Variants in ADGRA2 observed in about 807,000 individuals in gnomAD.
ADGRA2 encodes G-protein coupled receptor 124.
Under a neutral mutation model 98.7 loss-of-function variants are expected in ADGRA2, and 61 were observed. The observed-to-expected ratio is 0.62, with a 90% CI of 0.50 to 0.76. The LOEUF (loss-of-function observed/expected upper bound fraction) is 0.76. Ranked by LOEUF, ADGRA2 falls within the 30% of genes least tolerant of loss-of-function variation. The probability of loss-of-function intolerance (pLI) is 0.00; values close to 1 mark genes in which losing one functional copy is unlikely to be tolerated. For missense variants in ADGRA2, 1,712 were observed against 1,860.0 expected, an observed-to-expected ratio of 0.92 and a Z score of 1.46; for synonymous variants, 858 against 831.5, an observed-to-expected ratio of 1.03 and a Z score of -0.55.
Position 37,818,647 on chromosome 8 carries a change from G to A in ADGRA2, c.338+3680G>A, listed in dbSNP as rs554437973. Reference sequence around the variant, plus strand: ...GTAGGTGCTCACTGAGCCCTTCTATGTGCCAGGCTCTGTTCTAGGCTTTGG... The same window carrying A: ...GTAGGTGCTCACTGAGCCCTTCTATATGCCAGGCTCTGTTCTAGGCTTTGG... On this transcript the variant is annotated intron_variant, in intron 2 of 18. Transcript: ENST00000412232. 4.6e-5 allele frequency among the ~76,000 whole-genome samples: 7 copies of A among 152,356 alleles called. No homozygotes were observed. The East Asian group carries it at 1.3e-3, about 29-fold the overall frequency.
chr8:37,810,174 A>T (rs112921977), intron 1 of ADGRA2, among the ~76,000 whole-genome samples: 80 of 151,834 alleles, frequency 5.3e-4, no homozygotes, highest in African/African-American at 1.3e-3. Flanking sequence ...TATATATATA[A>T]AAATATATAT....
chr8:37,830,061 C>T lies in ADGRA2; in HGVS notation c.718+47C>T. On this transcript the variant is annotated intron_variant, in intron 6 of 18. Transcript: ENST00000412232. The surrounding 1 kb of genome is among the most constrained non-coding windows in gnomAD (Gnocchi z 4.8). ...CACATCTCCCAGGGACCCTGCCTCT[C>T]CACCAACCCAGGGCCCAGACACGAG... The T allele has an allele frequency of 7.6e-7, 1 of 1,323,948 alleles. No individual in the cohort carries two copies. Among genetic ancestry groups the T allele is most frequent in the Non-Finnish European group, 1.0e-6 (1 of 984,920 alleles). The allele number at this position is 1,323,948 out of a possible 1,614,324, so 82.0% of individuals were successfully genotyped here. A position where few individuals can be genotyped will look rare whatever the true frequency, so the allele number is the denominator to read the frequency against.
chr8:37,821,253 AAAT>A (rs1805116746), intron 2 of ADGRA2, among the ~76,000 whole-genome samples: 1 of 152,178 alleles, frequency 6.6e-6, no homozygotes, highest in South Asian at 2.1e-4. Flanking sequence ...CTCACCTGGA[AAAT>A]AGGGCTATGA....
intron 2 of ADGRA2, among the ~76,000 whole-genome samples, chr8:37,828,411 C>G (rs1364923357): frequency 6.6e-6 from 1 of 151,814 alleles, no homozygotes; most frequent in African/African-American, 2.4e-5. Context: ...TTCGTCTCCT[C>G]TCTCTGTTCT....
Position 37,835,697 on chromosome 8 carries a change from C to T in ADGRA2, c.1977C>T (p.Asn659=), listed in dbSNP as rs758120131. The part of the protein sequence containing the change: ...RNGRLFHSHS[N]TSRPGAAGPG... ...GCCGCCTCTTCCACAGCCACAGCAACACCTCCCGCCCTGGAGCTGCTGGGC... is the reference window on the plus strand; with the variant it reads ...GCCGCCTCTTCCACAGCCACAGCAATACCTCCCGCCCTGGAGCTGCTGGGC... Residue 659 remains asparagine, a synonymous_variant, in exon 13 of 19, where the codon AAC becomes AAT. Transcript: ENST00000412232. 1 of 1,613,924 alleles carries T rather than the reference C, an allele frequency of 6.2e-7. No homozygotes were observed.
In ADGRA2 at chr8:37,842,710, A is replaced by G. The variant is rs1285105914; in HGVS notation, c.*355A>G. On this transcript the variant is annotated 3_prime_UTR_variant, in exon 19 of 19. Transcript: ENST00000412232. ...TGTCCATGCGGCCTCACTGGGGGCC[A>G]TCAGCCTCACCAGCAAAGCAGAGAT... The G allele has an allele frequency of 9.0e-6, 2 of 222,942 alleles. No homozygotes were observed. The highest frequency in any genetic ancestry group is 1.7e-5 in the Non-Finnish European group (2 of 114,868). The allele number at this position is 222,942 out of a possible 1,614,324, so 13.8% of individuals were successfully genotyped here.
At chr8:37,808,005 A>G (rs1585968740) in intron 1 of ADGRA2, among the ~76,000 whole-genome samples, 1 of 152,156 alleles carries the variant, frequency 6.6e-6, no homozygotes. Context: ...CCCAGAGCCC[A>G]CAGAGCCTCT....
intron 1 of ADGRA2, among the ~76,000 whole-genome samples, chr8:37,804,114 C>G (rs1000707159): frequency 6.2e-4 from 90 of 145,772 alleles, no homozygotes; most frequent in African/African-American, 2.1e-3. Flanking sequence ...CACACACACA[C>G]ACACACACAC....
At chr8:37,825,173 G>A (rs540962353) in intron 2 of ADGRA2, among the ~76,000 whole-genome samples, 3 of 152,224 alleles carry the variant, frequency 2.0e-5, no homozygotes, top group Admixed American at 6.5e-5. Flanking sequence ...GCATATCTGC[G>A]CGTGCTTCCA....
intron 1 of ADGRA2, among the ~76,000 whole-genome samples, chr8:37,800,706 G>A (rs900749689): frequency 2.0e-5 from 3 of 152,110 alleles, no homozygotes; most frequent in Non-Finnish European, 4.4e-5. Context: ...TGGGAAGGAG[G>A]GAGCTGCCGC....
intron 2 of ADGRA2, among the ~76,000 whole-genome samples, chr8:37,823,612 G>C (rs1185671456): frequency 6.6e-6 from 1 of 152,158 alleles, no homozygotes; most frequent in African/African-American, 2.4e-5. Context: ...TGGAATTTCT[G>C]GGTCATATGG....
At chr8:37,839,254 C>T in intron 15 of ADGRA2, 171 bp downstream of exon 15, 4 of 560,868 alleles carry the variant, frequency 7.1e-6, no homozygotes, top group Non-Finnish European at 9.0e-6. Context: ...AGGGTGGACT[C>T]ACTGAGGACT....
intron 2 of ADGRA2, among the ~76,000 whole-genome samples, chr8:37,820,720 G>T (rs994623069): frequency 5.9e-5 from 9 of 152,254 alleles, no homozygotes; most frequent in African/African-American, 2.2e-4. Context: ...TGGCCTCCTT[G>T]GCTGAGAGCC....
chr8:37,835,146 G>A, intron 11 of ADGRA2, 28 bp from the exon 12 acceptor site: 4 of 1,557,750 alleles, frequency 2.6e-6, no homozygotes, highest in East Asian at 2.2e-5. Context: ...CATCTCAAAT[G>A]GTGGGATGAC....
intron 8 of ADGRA2, among the ~76,000 whole-genome samples, 199 bp downstream of exon 8, chr8:37,831,786 C>T (rs1205054868): frequency 1.3e-5 from 2 of 152,198 alleles, no homozygotes; most frequent in Non-Finnish European, 1.5e-5. Flanking sequence ...CATCTGAGGC[C>T]GGGTGCAGTG....
At chr8:37,811,625 C>T (rs565860783) in intron 1 of ADGRA2, among the ~76,000 whole-genome samples, 60 of 149,202 alleles carry the variant, frequency 4.0e-4, no homozygotes, top group Non-Finnish European at 7.1e-4. Flanking sequence ...TACAGGCATG[C>T]ACCACCACGC....
chr8:37,819,335 T>C (rs1448025545), intron 2 of ADGRA2, among the ~76,000 whole-genome samples: 1 of 152,150 alleles, frequency 6.6e-6, no homozygotes, highest in African/African-American at 2.4e-5. Context: ...TCCAACGTGG[T>C]CACTGATCAC....
Position 37,801,404 on chromosome 8 carries a change from G to C in ADGRA2, c.266+3870G>C, listed in dbSNP as rs1009967979. ...CTCCCCCAGGGAAAAGGTCCCACGGGGGGTGGCTTATGACAGGGAGAACCT... is the reference window on the plus strand; with the variant it reads ...CTCCCCCAGGGAAAAGGTCCCACGGCGGGTGGCTTATGACAGGGAGAACCT... On this transcript the variant is annotated intron_variant, in intron 1 of 18. Transcript: ENST00000412232. 4.6e-5 allele frequency among the ~76,000 whole-genome samples: 7 copies of C among 152,298 alleles called. No homozygotes were observed. The East Asian group carries it at 7.7e-4, about 17-fold the overall frequency.
Position 37,829,934 on chromosome 8 carries a change from C to G in ADGRA2, c.638C>G (p.Ser213Trp). 3 of 1,611,756 alleles carry G rather than the reference C, an allele frequency of 1.9e-6. No individual in the cohort carries two copies. Among genetic ancestry groups the G allele is most frequent in the Non-Finnish European group, 2.5e-6 (3 of 1,179,696 alleles). ...PWAQNRSLQLSEHTLCAYPSA... is the reference protein window; with the variant it reads ...PWAQNRSLQLWEHTLCAYPSA... ...GCCCAGAATCGCTCCCTGCAGCTGTCGGAACACACGCTCTGTGCTTACCCC... is the reference window on the plus strand; with the variant it reads ...GCCCAGAATCGCTCCCTGCAGCTGTGGGAACACACGCTCTGTGCTTACCCC... Residue 213 changes from serine to tryptophan, a missense_variant, in exon 6 of 19, where the codon TCG becomes TGG. Transcript: ENST00000412232.
Sources: gnomAD v4.1 joint callset for allele counts (sites outside exome capture counted in the v4.1 genomes callset) on GRCh38, gnomAD v4.1.1 for gene constraint, Gnocchi (gnomAD v3.1) non-coding constraint, MANE v1.5 for transcripts, NCBI Gene and HGNC (gene_info 2026-07-23, HGNC 2026-07-21) for gene names.